Variants in DPYSL2 observed in about 807,000 individuals in gnomAD.
The protein encoded by DPYSL2 is dihydropyrimidinase like 2.
A neutral mutation model predicts 69.9 loss-of-function variants in DPYSL2; 13 were observed. That is an observed-to-expected ratio of 0.19 (90% CI 0.12 to 0.30). The LOEUF (loss-of-function observed/expected upper bound fraction) is 0.30, where lower values mean the gene tolerates loss of function less well. DPYSL2 is among the 10% of genes least tolerant of loss of function. The pLI, the probability that DPYSL2 is intolerant of heterozygous loss-of-function variation, is 1.00. For missense variants in DPYSL2, 587 were observed against 918.9 expected (o/e 0.64, Z 4.67); for synonymous variants, 326 against 359.1 (o/e 0.91, Z 1.04).
intron 3 of DPYSL2, among the ~76,000 whole-genome samples, chr8:26,607,502 T>C (rs1261714812): frequency 7.9e-6 from 1 of 126,288 alleles, no homozygotes; most frequent in East Asian, 2.4e-4. Flanking sequence ...AAAAAAATCA[T>C]TGTGGGGCTG....
Position 26,597,389 on chromosome 8 carries a change from T to C in DPYSL2, c.628+13406T>C, listed in dbSNP as rs185729379. On this transcript the variant is annotated intron_variant, in intron 3 of 13. Coordinates refer to ENST00000521913, the MANE Select transcript of DPYSL2 (RefSeq NM_001197293.3). The surrounding 1 kb of genome is among the most constrained non-coding windows in gnomAD (Gnocchi z 5.2). The stretch of plus-strand genomic sequence containing the variant: ...CATCTTTTGCATTTCTCTGAATCGC[T>C]TTGGCGTGGGCTTTTATGAGGTTCA... 9.8e-5 allele frequency among the ~76,000 whole-genome samples: 15 copies of C among 152,368 alleles called. No homozygotes were observed. The highest frequency in any genetic ancestry group is 7.2e-5 in the African/African-American group (3 of 41,592).
At position 26,557,623 on chromosome 8, in the gene DPYSL2, CA is replaced by C. The variant is rs56215906; in HGVS notation, c.355-24327del. Reference sequence around the variant, plus strand: ...CAAAACCCTGTCTCTACTAAAAATACAAAAAAAAAAAAAAAAAAAGCCAGGC... The same window carrying C: ...CAAAACCCTGTCTCTACTAAAAATACAAAAAAAAAAAAAAAAAAGCCAGGC... On this transcript the variant is annotated intron_variant, in intron 1 of 13. Transcript: ENST00000521913. 3.9e-3 allele frequency among the ~76,000 whole-genome samples: 293 copies of C among 74,320 alleles called. 1 individual carries two copies. The highest frequency in any genetic ancestry group is 0.014 in the African/African-American group (253 of 17,720). 48.8% of individuals were successfully genotyped at this position (74,320 alleles called of 152,430 possible). A position where few individuals can be genotyped will look rare whatever the true frequency, so the allele number is the denominator to read the frequency against.
At chr8:26,531,668 A>G (rs1453665628) in intron 1 of DPYSL2, among the ~76,000 whole-genome samples, 2 of 152,246 alleles carry the variant, frequency 1.3e-5, no homozygotes, top group Non-Finnish European at 2.9e-5. Context: ...GTGAAAGTAC[A>G]GGGCCTGGTA....
rs534721170 is a variant in DPYSL2, at chr8:26,538,708, G to A, written c.354+24029G>A. On this transcript the variant is annotated intron_variant, in intron 1 of 13. Transcript: ENST00000521913. ...GCCACTACCTCCTTCCCACAATCAC[G>A]TGCATGCTCCAGAGCCTAGCTCTGT... Among the ~76,000 whole-genome samples, 37 of 152,268 alleles carry A rather than the reference G, an allele frequency of 2.4e-4. 1 individual carries two copies. The highest frequency in any genetic ancestry group is 3.8e-4 in the Non-Finnish European group (26 of 68,028).
At position 26,614,971 on chromosome 8, in the gene DPYSL2, A is replaced by G. The variant is rs1359137975; in HGVS notation, c.629-9172A>G. On this transcript the variant is annotated intron_variant, in intron 3 of 13. Transcript: ENST00000521913. The surrounding 1 kb of genome is among the most constrained non-coding windows in gnomAD (Gnocchi z 4.9). The stretch of plus-strand genomic sequence containing the variant: ...TCTTTTGATCACACGTTCTGGGGTC[A>G]GATTCCAGCTCTGCCAGTCAGTGGC... Among the ~76,000 whole-genome samples the G allele has an allele frequency of 1.3e-5, 2 of 152,260 alleles. No homozygotes were observed. The highest frequency in any genetic ancestry group is 2.9e-5 in the Non-Finnish European group (2 of 68,054).
intron 1 of DPYSL2, among the ~76,000 whole-genome samples, chr8:26,539,630 C>A (rs1006344485): frequency 1.3e-5 from 2 of 152,140 alleles, no homozygotes; most frequent in African/African-American, 2.4e-5. Flanking sequence ...ACCTCTGCCT[C>A]CTGGGTTCAA....
Position 26,577,983 on chromosome 8 carries a change from C to G in DPYSL2, c.355-3986C>G. 7 of 1,312,630 alleles carry G rather than the reference C, an allele frequency of 5.3e-6. No homozygotes were observed. In the South Asian group the frequency reaches 1.0e-4, roughly 19 times the overall value. 81.3% of individuals were successfully genotyped at this position (1,312,630 alleles called of 1,614,324 possible). A position where few individuals can be genotyped will look rare whatever the true frequency, so the allele number is the denominator to read the frequency against. On this transcript the variant is annotated intron_variant, in intron 1 of 13. Coordinates refer to ENST00000521913, the MANE Select transcript of DPYSL2 (RefSeq NM_001197293.3). ...ATTTCCACCCCCTTCCCTCCTGTTT[C>G]TCTCTCTCCTTCTCTCTCTCTCTCT...
Position 26,585,721 on chromosome 8 carries a change from G to C in DPYSL2, c.628+1738G>C, listed in dbSNP as rs187725847. On this transcript the variant is annotated intron_variant, in intron 3 of 13. Transcript: ENST00000521913. The surrounding 1 kb of genome is among the most constrained non-coding windows in gnomAD (Gnocchi z 4.0). ...AGACTATTCGGGTGTCAGCCGGGAA[G>C]GCCAAGTCAGGGTGATCATCTGCCT... Among the ~76,000 whole-genome samples, 1,140 of 152,302 alleles carry C rather than the reference G, an allele frequency of 7.5e-3. 8 individuals are homozygous for C. The highest frequency in any genetic ancestry group is 9.6e-3 in the Non-Finnish European group (652 of 68,032).
In DPYSL2 at chr8:26,614,454, C is replaced by CT. The variant is rs1802303468; in HGVS notation, c.629-9686dup. ...CTTCAGGATCATTTTATCCGTATCC[C>CT]TTTCGTATCTTTTAGTGAGTTTTTG... On this transcript the variant is annotated intron_variant, in intron 3 of 13. Transcript: ENST00000521913. The surrounding 1 kb of genome is among the most constrained non-coding windows in gnomAD (Gnocchi z 4.9). Among the ~76,000 whole-genome samples, 1 of 152,160 alleles carries CT rather than the reference C, an allele frequency of 6.6e-6. No individual in the cohort carries two copies. The highest frequency in any genetic ancestry group is 1.5e-5 in the Non-Finnish European group (1 of 68,018).
intron 1 of DPYSL2, among the ~76,000 whole-genome samples, chr8:26,555,881 C>T (rs1309243962): frequency 7.0e-6 from 1 of 142,748 alleles, no homozygotes; most frequent in Non-Finnish European, 1.5e-5. Flanking sequence ...TATATATATA[C>T]TTGTATATGT....
rs1802392785 is a variant in DPYSL2 at position 26,617,938 on chromosome 8, A to G, written c.629-6205A>G. On this transcript the variant is annotated intron_variant, in intron 3 of 13. Transcript: ENST00000521913. This position sits in a 1 kb window ranked among gnomAD's most constrained non-coding sequence, Gnocchi z 4.7. ...AATTAGATTATTGCAATGGTTGTAA[A>G]GCTCTGTGAGTGAACTAAAAGCCAC... Among the ~76,000 whole-genome samples the G allele has an allele frequency of 6.6e-6, 1 of 152,196 alleles. No individual in the cohort carries two copies. Among genetic ancestry groups the G allele is most frequent in the African/African-American group, 2.4e-5 (1 of 41,452 alleles).
At chr8:26,601,337 G>A (rs931415757) in intron 3 of DPYSL2, among the ~76,000 whole-genome samples, 35 of 152,152 alleles carry the variant, frequency 2.3e-4, no homozygotes, top group African/African-American at 7.5e-4. Flanking sequence ...ACTTAATCCT[G>A]CTGGGTATGT....
At chr8:26,608,657 A>T (rs939819876) in intron 3 of DPYSL2, among the ~76,000 whole-genome samples, 1 of 152,242 alleles carries the variant, frequency 6.6e-6, no homozygotes, top group African/African-American at 2.4e-5. Context: ...TTGTTCAGAT[A>T]CATTGGCTTT....
intron 3 of DPYSL2, among the ~76,000 whole-genome samples, chr8:26,592,005 G>A (rs532310698): frequency 2.7e-5 from 4 of 150,506 alleles, no homozygotes; most frequent in East Asian, 1.9e-4. Flanking sequence ...TAGTAGTTTC[G>A]TTTAATATCC....
rs948593631 is a variant in DPYSL2, at chr8:26,619,843, A to T, written c.629-4300A>T. The T allele has an allele frequency of 3.9e-5, 6 of 152,386 alleles. No individual in the cohort carries two copies. The highest frequency in any genetic ancestry group is 1.4e-4 in the African/African-American group (6 of 41,444). The allele number at this position is 152,386 out of a possible 1,614,324, so 9.4% of individuals were successfully genotyped here. The stretch of plus-strand genomic sequence containing the variant: ...AGTGCTGGGATTATAGGCATGCGCC[A>T]CTGCACCTGGCCAGAACCTGTGTTT... On this transcript the variant is annotated intron_variant, in intron 3 of 13. Coordinates refer to ENST00000521913, the MANE Select transcript of DPYSL2 (RefSeq NM_001197293.3). The surrounding 1 kb of genome is among the most constrained non-coding windows in gnomAD (Gnocchi z 4.8).
At chr8:26,622,147 TTCCTTCCTTCC>T (rs1563413367) in intron 3 of DPYSL2, among the ~76,000 whole-genome samples, 51 of 49,684 alleles carry the variant, frequency 1.0e-3, no homozygotes, top group African/African-American at 1.7e-3. Context: ...CCTTCCTTCC[TTCCTTCCTTCC>T]CTCTCTCTCT....
intron 3 of DPYSL2, among the ~76,000 whole-genome samples, chr8:26,602,715 G>T (rs1392424072): frequency 6.6e-6 from 1 of 152,134 alleles, no homozygotes; most frequent in African/African-American, 2.4e-5. Context: ...TGGCCATCTG[G>T]CAGGTGCTGA....
intron 3 of DPYSL2, among the ~76,000 whole-genome samples, chr8:26,600,757 T>G (rs1801973454): frequency 6.6e-6 from 1 of 152,180 alleles, no homozygotes; most frequent in Non-Finnish European, 1.5e-5. Flanking sequence ...GAGCCCTCCC[T>G]CTAGGGCTCA....
rs1436195967 is a variant in DPYSL2, at chr8:26,514,540, C to T, written c.215C>T (p.Ala72Val). The stretch of plus-strand genomic sequence containing the variant: ...GTGGTGGCTCAGCAGCGGGACGTCG[C>T]CCACTTGGGCCCGGACCCGCAGCCG... Reference protein sequence around the residue: ...GQVVAQQRDVAHLGPDPQPPY... With the variant: ...GQVVAQQRDVVHLGPDPQPPY... Residue 72 changes from alanine to valine, a missense_variant, in exon 1 of 14, where the codon GCC becomes GTC. Physicochemically the swap from Ala to Val is moderately conservative, Grantham distance 64. This residue lies in a region of DPYSL2 where 85 missense variants were observed against 77.7 expected (regional missense o/e 1.09). Coordinates refer to ENST00000521913, the MANE Select transcript of DPYSL2 (RefSeq NM_001197293.3). This position sits in a 1 kb window ranked among gnomAD's most constrained non-coding sequence, Gnocchi z 8.4. The T allele has an allele frequency of 6.5e-7, 1 of 1,529,326 alleles. No homozygotes were observed. Among genetic ancestry groups the T allele is most frequent in the South Asian group, 1.2e-5 (1 of 82,794 alleles). The allele number at this position is 1,529,326 out of a possible 1,614,324, so 94.7% of individuals were successfully genotyped here.
Sources: allele counts gnomAD v4.1 joint callset (sites outside exome capture counted in the v4.1 genomes callset), GRCh38; gene constraint gnomAD v4.1.1; regional missense constraint gnomAD v4.1.1; non-coding constraint Gnocchi (gnomAD v3.1); transcripts MANE v1.5; gene names NCBI Gene and HGNC (gene_info 2026-07-23, HGNC 2026-07-21).